RGS6: variants seen among roughly 807,000 people sequenced by gnomAD.
RGS6 encodes regulator of G protein signaling 6.
Under a neutral mutation model 78.5 loss-of-function variants are expected in RGS6, and 30 were observed. The observed-to-expected ratio is 0.38, with a 90% CI of 0.29 to 0.52. The LOEUF (loss-of-function observed/expected upper bound fraction) is 0.52, where lower values mean the gene tolerates loss of function less well. RGS6 is among the 20% of genes least tolerant of loss of function. RGS6 has a pLI of 0.85. For synonymous variants in RGS6, 206 were observed against 206.0 expected (o/e 1.00, Z 0.00); for missense variants, 495 against 609.7 (o/e 0.81, Z 1.98).
intron 2 of RGS6, among the ~76,000 whole-genome samples, chr14:72,333,235 G>A (rs1224714522): frequency 6.6e-6 from 1 of 152,208 alleles, no homozygotes; most frequent in Admixed American, 6.5e-5. Context: ...ATTTCCGGGG[G>A]AAAATGTGAA....
At chr14:72,153,379 G>C (rs2096722250) in intron 2 of RGS6, among the ~76,000 whole-genome samples, 1 of 152,222 alleles carries the variant, frequency 6.6e-6, no homozygotes, top group Admixed American at 6.5e-5. Flanking sequence ...TGTGAAGAGT[G>C]ATGGGAGATG....
chr14:72,448,540 A>G lies in RGS6; in HGVS notation c.185-5988A>G, dbSNP rs866289137. The stretch of plus-strand genomic sequence containing the variant: ...AAAAAAAGACGGTAAAGATTGTCCT[A>G]CTTAGAATATCCTTCCATTCATTTG... On this transcript the variant is annotated intron_variant, in intron 3 of 17. Coordinates refer to ENST00000553525, the MANE Select transcript of RGS6 (RefSeq NM_001204424.2). Among the ~76,000 whole-genome samples the G allele has an allele frequency of 3.3e-5, 5 of 152,256 alleles. No individual in the cohort carries two copies. The South Asian group carries it at 8.3e-4, about 25-fold the overall frequency.
intron 15 of RGS6, among the ~76,000 whole-genome samples, chr14:72,533,237 A>C (rs1345247561): frequency 6.6e-6 from 1 of 152,252 alleles, no homozygotes; most frequent in Non-Finnish European, 1.5e-5. Context: ...ATGGACCAAC[A>C]AAGTCTGGAT....
chr14:72,512,944 G>A (rs1399228867), intron 14 of RGS6, among the ~76,000 whole-genome samples: 1 of 152,214 alleles, frequency 6.6e-6, no homozygotes, highest in Non-Finnish European at 1.5e-5. Flanking sequence ...TGTGGCTCAT[G>A]CCATGGAGGC....
chr14:71,936,015 G>GATAT (rs55686505), intron 1 of RGS6, among the ~76,000 whole-genome samples: 2,374 of 63,752 alleles, frequency 0.037, 155 homozygotes, highest in Middle Eastern at 0.07. Context: ...GAACTAATAG[G>GATAT]ATATATATAT....
intron 2 of RGS6, among the ~76,000 whole-genome samples, chr14:72,318,225 G>A (rs1419395536): frequency 6.6e-6 from 1 of 152,056 alleles, no homozygotes; most frequent in African/African-American, 2.4e-5. Context: ...GATATTCAAG[G>A]GCAGGAAGCA....
intron 15 of RGS6, among the ~76,000 whole-genome samples, chr14:72,530,048 G>T (rs2097163383): frequency 6.6e-6 from 1 of 152,222 alleles, no homozygotes; most frequent in South Asian, 2.1e-4. Flanking sequence ...TGATTGACAA[G>T]TTCTTTCTCT....
At chr14:72,424,287 TG>T (rs1294621911) in intron 3 of RGS6, among the ~76,000 whole-genome samples, 8 of 152,316 alleles carry the variant, frequency 5.3e-5, no homozygotes, top group Non-Finnish European at 1.2e-4. Flanking sequence ...GGACTTAGTT[TG>T]GGGGTAAGTT....
intron 2 of RGS6, among the ~76,000 whole-genome samples, chr14:72,222,067 A>G (rs994458467): frequency 5.3e-5 from 8 of 152,260 alleles, no homozygotes; most frequent in African/African-American, 1.4e-4. Context: ...CATGTAATTT[A>G]TAAGAGGGAT....
At chr14:72,195,605 C>T (rs185010) in intron 2 of RGS6, among the ~76,000 whole-genome samples, 137,902 of 152,210 alleles carry the variant, frequency 0.91, 62,523 homozygotes, top group East Asian at 0.98. Flanking sequence ...GAACGAAGAG[C>T]TGAAGAGGTA....
At chr14:72,113,004 G>A (rs2095803318) in intron 2 of RGS6, among the ~76,000 whole-genome samples, 1 of 152,204 alleles carries the variant, frequency 6.6e-6, no homozygotes, top group Non-Finnish European at 1.5e-5. Flanking sequence ...ACTTAGTGGG[G>A]ACCACGGGAG....
At chr14:71,997,310 G>A (rs2095242509) in intron 2 of RGS6, among the ~76,000 whole-genome samples, 1 of 152,190 alleles carries the variant, frequency 6.6e-6, no homozygotes, top group African/African-American at 2.4e-5. Context: ...GGCATGGTGA[G>A]TTTGAGATGC....
chr14:72,338,980 A>C (rs906836803), intron 2 of RGS6, among the ~76,000 whole-genome samples: 3 of 152,254 alleles, frequency 2.0e-5, no homozygotes, highest in Admixed American at 6.5e-5. Context: ...AGCTTTAAAA[A>C]AATAAAAAAT....
chr14:72,256,208 G>C (rs1279067269), intron 2 of RGS6, among the ~76,000 whole-genome samples: 1 of 152,170 alleles, frequency 6.6e-6, no homozygotes, highest in African/African-American at 2.4e-5. Flanking sequence ...CAGGGGGCTA[G>C]GGAATAGGTG....
intron 2 of RGS6, among the ~76,000 whole-genome samples, chr14:71,968,842 ATACTT>A (rs1252614686): frequency 1.3e-5 from 2 of 152,220 alleles, no homozygotes; most frequent in Non-Finnish European, 2.9e-5. Context: ...TTTTTAAAAA[ATACTT>A]TAAGTTCTAG....
In RGS6 at chr14:72,562,717, G is replaced by A; in HGVS notation, c.*250G>A. 1 of 1,536,134 alleles carries A rather than the reference G, an allele frequency of 6.5e-7. No individual in the cohort carries two copies. The highest frequency in any genetic ancestry group is 8.7e-7 in the Non-Finnish European group (1 of 1,146,904). ...ACAGCCCTCTCTTCTTTGTACAGTT[G>A]TATTCCAACACTCCACTCGCTAAGA... is the stretch of plus-strand genomic sequence containing the variant. On this transcript the variant is annotated 3_prime_UTR_variant, in exon 18 of 18. Transcript: ENST00000553525.
chr14:72,113,093 T>C (rs948017654), intron 2 of RGS6, among the ~76,000 whole-genome samples: 9 of 146,538 alleles, frequency 6.1e-5, no homozygotes, highest in African/African-American at 1.7e-4. Flanking sequence ...CACGCATGCA[T>C]GCACACACAT....
At chr14:72,063,112 C>G (rs1015536275) in intron 2 of RGS6, among the ~76,000 whole-genome samples, 9 of 152,164 alleles carry the variant, frequency 5.9e-5, no homozygotes, top group African/African-American at 2.2e-4. Context: ...CATGCGCCAC[C>G]ACGCCTGGCC....
rs1381419887 is a variant in RGS6 at position 72,459,679 on chromosome 14, C to T, written c.390C>T (p.Asp130=). ...ACTGCTGGGAACCTGAAAACACTGA[C>T]TATGGTGAGAACTGAAGCCACTGGG... The part of the protein sequence containing the change: ...PSNCWEPENT[D]YAIYLCKRTM... Residue 130 remains aspartate, a synonymous_variant, in exon 6 of 18, where the codon GAC becomes GAT. Transcript: ENST00000553525. 1 of 1,614,130 alleles carries T rather than the reference C, an allele frequency of 6.2e-7. No individual in the cohort carries two copies. The highest frequency in any genetic ancestry group is 8.5e-7 in the Non-Finnish European group (1 of 1,180,004).
Sources: allele counts gnomAD v4.1 joint callset (sites outside exome capture counted in the v4.1 genomes callset), GRCh38; gene constraint gnomAD v4.1.1; transcripts MANE v1.5; gene names NCBI Gene and HGNC (gene_info 2026-07-23, HGNC 2026-07-21).